Variants in WWOX observed in about 807,000 individuals in gnomAD.
WWOX encodes the protein WW domain containing oxidoreductase, also known as WW domain-containing oxidoreductase.
Under a neutral mutation model 46.2 loss-of-function variants are expected in WWOX, and 69 were observed. That is an observed-to-expected ratio of 1.49 (90% CI 1.23 to 1.82). The LOEUF (loss-of-function observed/expected upper bound fraction) is 1.82, where lower values mean the gene tolerates loss of function less well. Ranked by LOEUF, WWOX falls within the 40% of genes most tolerant of loss-of-function variation. The probability of loss-of-function intolerance (pLI) is 0.00; values close to 1 mark genes in which losing one functional copy is unlikely to be tolerated. For synonymous variants in WWOX, 359 were observed against 202.6 expected, an observed-to-expected ratio of 1.77 and a Z score of -6.56; for missense variants, 919 against 542.6, an observed-to-expected ratio of 1.69 and a Z score of -6.89.
chr16:78,599,054 C>T (rs1471331565), intron 8 of WWOX, among the ~76,000 whole-genome samples: 2 of 152,152 alleles, frequency 1.3e-5, no homozygotes, highest in Non-Finnish European at 2.9e-5. Context: ...GACTTTGGGG[C>T]TCACAGTTTG....
At chr16:78,731,839 C>CTTTTTT (rs1358966064) in intron 8 of WWOX, among the ~76,000 whole-genome samples, 3 of 111,506 alleles carry the variant, frequency 2.7e-5, no homozygotes, top group African/African-American at 5.3e-5. Flanking sequence ...AATTTTTTTT[C>CTTTTTT]TTTCTCTTTT....
At chr16:78,997,475 G>A (rs955844220) in intron 8 of WWOX, among the ~76,000 whole-genome samples, 1 of 151,966 alleles carries the variant, frequency 6.6e-6, no homozygotes, top group African/African-American at 2.4e-5. Flanking sequence ...CCTTTTCTCT[G>A]GGCTTTCTAC....
At chr16:78,786,709 T>C (rs1208329854) in intron 8 of WWOX, among the ~76,000 whole-genome samples, 1 of 152,242 alleles carries the variant, frequency 6.6e-6, no homozygotes, top group Non-Finnish European at 1.5e-5. Context: ...TGGCAGTTTG[T>C]CATATCACTC....
chr16:78,227,938 G>A (rs1018852619), intron 5 of WWOX, among the ~76,000 whole-genome samples: 2 of 152,076 alleles, frequency 1.3e-5, no homozygotes, highest in African/African-American at 2.4e-5. Flanking sequence ...GTGCAGCCAT[G>A]GGTAGAATTT....
chr16:78,968,052 C>T (rs1357239165), intron 8 of WWOX, among the ~76,000 whole-genome samples: 3 of 151,960 alleles, frequency 2.0e-5, no homozygotes, highest in African/African-American at 7.2e-5. Flanking sequence ...GCATGGTCTG[C>T]ATGGCACAGT....
At chr16:78,300,450 C>T (rs560503495) in intron 5 of WWOX, among the ~76,000 whole-genome samples, 2 of 152,144 alleles carry the variant, frequency 1.3e-5, no homozygotes, top group East Asian at 1.9e-4. Context: ...ATTCTCTAAT[C>T]TCAGGAGTGA....
rs143793948 is a variant in WWOX, at chr16:78,705,206, C to T, written c.1056+272454C>T. Among the ~76,000 whole-genome samples, 159 of 152,206 alleles carry T rather than the reference C, an allele frequency of 1.0e-3. 1 individual carries two copies. Among genetic ancestry groups the T allele is most frequent in the African/African-American group, 3.7e-3 (152 of 41,528 alleles). ...AGCCATTTGCATTCAGTCTGACGGC[C>T]GCTAAAAATGTATGTGGATTTTTCA... On this transcript the variant is annotated intron_variant, in intron 8 of 8. Transcript: ENST00000566780.
chr16:78,814,282 C>G (rs151161902), intron 8 of WWOX, among the ~76,000 whole-genome samples: 2,615 of 152,304 alleles, frequency 0.017, 37 homozygotes, highest in Non-Finnish European at 0.027. Flanking sequence ...TCCCCTTCCC[C>G]TCTTGTTCCT....
intron 8 of WWOX, among the ~76,000 whole-genome samples, chr16:78,461,937 G>C (rs1040335139): frequency 6.6e-6 from 1 of 152,202 alleles, no homozygotes; most frequent in Non-Finnish European, 1.5e-5. Flanking sequence ...ACTTCAATCA[G>C]CTAGAGCCAG....
At chr16:79,132,069 A>C (rs1388726441) in intron 8 of WWOX, among the ~76,000 whole-genome samples, 1 of 151,936 alleles carries the variant, frequency 6.6e-6, no homozygotes, top group Non-Finnish European at 1.5e-5. Context: ...ATACAAGATG[A>C]GATTTGGGTG....
intron 6 of WWOX, among the ~76,000 whole-genome samples, chr16:78,422,142 A>G (rs1259674623): frequency 6.6e-6 from 1 of 152,200 alleles, no homozygotes; most frequent in Non-Finnish European, 1.5e-5. Context: ...TAGACTCTTA[A>G]GAAGATACGT....
At chr16:78,756,702 C>G (rs544457659) in intron 8 of WWOX, among the ~76,000 whole-genome samples, 2 of 152,262 alleles carry the variant, frequency 1.3e-5, no homozygotes, top group Non-Finnish European at 2.9e-5. Context: ...TACCATTAAG[C>G]AACTACCATA....
chr16:78,551,575 T>C (rs771834437), intron 8 of WWOX: 2 of 152,212 alleles, frequency 1.3e-5, no homozygotes, highest in African/African-American at 2.4e-5. Flanking sequence ...GTCTGGTAGC[T>C]GTTTGCTCTT....
At chr16:79,207,027 T>A (rs2051535947) in intron 8 of WWOX, among the ~76,000 whole-genome samples, 1 of 152,178 alleles carries the variant, frequency 6.6e-6, no homozygotes, top group Admixed American at 6.5e-5. Context: ...TATCTGGAGA[T>A]GACCTCTGCA....
chr16:78,770,581 G>C (rs1301066234), intron 8 of WWOX, among the ~76,000 whole-genome samples: 1 of 152,174 alleles, frequency 6.6e-6, no homozygotes, highest in Non-Finnish European at 1.5e-5. Context: ...GCCAGGGAAG[G>C]ACGTCTGTGG....
At chr16:78,259,740 G>C (rs994157745) in intron 5 of WWOX, among the ~76,000 whole-genome samples, 1 of 151,392 alleles carries the variant, frequency 6.6e-6, no homozygotes, top group East Asian at 1.9e-4. Context: ...ATAGTTCTGA[G>C]ATATAATTTG....
At chr16:78,387,403 C>T (rs1338418620) in intron 6 of WWOX, among the ~76,000 whole-genome samples, 1 of 152,170 alleles carries the variant, frequency 6.6e-6, no homozygotes, top group East Asian at 1.9e-4. Context: ...TGATGTGGTA[C>T]ATGGATGTGG....
At chr16:78,633,320 A>G (rs868075095) in intron 8 of WWOX, among the ~76,000 whole-genome samples, 13 of 152,188 alleles carry the variant, frequency 8.5e-5, no homozygotes, top group Non-Finnish European at 1.2e-4. Flanking sequence ...AGTATCTTCT[A>G]TGGGGCTACC....
chr16:78,495,306 A>G (rs1210265580), intron 8 of WWOX, among the ~76,000 whole-genome samples: 1 of 151,630 alleles, frequency 6.6e-6, no homozygotes, highest in Admixed American at 6.6e-5. Flanking sequence ...ACACCCAGCT[A>G]ATTTTTGTAT....
Sources: allele counts gnomAD v4.1 joint callset (sites outside exome capture counted in the v4.1 genomes callset), GRCh38; gene constraint gnomAD v4.1.1; transcripts MANE v1.5; gene names NCBI Gene and HGNC (gene_info 2026-07-23, HGNC 2026-07-21).